SMCHD1: variants seen among roughly 807,000 people sequenced by gnomAD.
SMCHD1 encodes structural maintenance of chromosomes flexible hinge domain-containing protein 1.
Under a neutral mutation model 254.7 loss-of-function variants are expected in SMCHD1, and 78 were observed. The observed-to-expected ratio is 0.31, with a 90% CI of 0.26 to 0.37. The LOEUF (loss-of-function observed/expected upper bound fraction) is 0.37. Ranked by LOEUF, SMCHD1 falls within the 10% of genes least tolerant of loss-of-function variation. The pLI is 1.00. For missense variants in SMCHD1, 1,840 were observed against 2,408.1 expected, an observed-to-expected ratio of 0.76 and a Z score of 4.94; for synonymous variants, 766 against 794.9, an observed-to-expected ratio of 0.96 and a Z score of 0.61.
chr18:2,744,077 G>C, intron 29 of SMCHD1, 149 bp downstream of exon 29: 1 of 612,854 alleles, frequency 1.6e-6, no homozygotes, highest in Admixed American at 3.2e-5. Context: ...GCAAGGTAAT[G>C]TGAGTCTTAA....
chr18:2,671,688 C>T (rs865871189), intron 3 of SMCHD1, among the ~76,000 whole-genome samples: 8 of 151,364 alleles, frequency 5.3e-5, no homozygotes, highest in African/African-American at 1.5e-4. Flanking sequence ...CTCCGCCTCC[C>T]GGGTTCACGC....
At chr18:2,753,304 AATTC>A (rs2075611124) in intron 34 of SMCHD1, among the ~76,000 whole-genome samples, 1 of 152,322 alleles carries the variant, frequency 6.6e-6, no homozygotes, top group African/African-American at 2.4e-5. Context: ...TATAGCTATA[AATTC>A]ATTCATTTCC....
intron 10 of SMCHD1, among the ~76,000 whole-genome samples, chr18:2,698,942 T>C (rs1383067457): frequency 2.6e-5 from 4 of 152,234 alleles, no homozygotes; most frequent in Admixed American, 6.5e-5. Flanking sequence ...CTATTGTTCC[T>C]TTTTGAGAAT....
At chr18:2,766,350 A>G (rs539177645) in intron 37 of SMCHD1, among the ~76,000 whole-genome samples, 12 of 152,320 alleles carry the variant, frequency 7.9e-5, no homozygotes, top group South Asian at 2.1e-4. Flanking sequence ...CCTGCTGTAT[A>G]TACTCCTGAG....
At chr18:2,714,760 C>T (rs1457814131) in intron 17 of SMCHD1, among the ~76,000 whole-genome samples, 1 of 151,890 alleles carries the variant, frequency 6.6e-6, no homozygotes, top group Non-Finnish European at 1.5e-5. Context: ...TGAATTTCTT[C>T]AGGATTTGCT....
chr18:2,750,276 T>G (rs2075546465), intron 31 of SMCHD1, 74 bp from the exon 32 acceptor site: 1 of 1,485,608 alleles, frequency 6.7e-7, no homozygotes, highest in Admixed American at 2.3e-5. Flanking sequence ...AGTTGAACTT[T>G]GCATAAATTG....
intron 8 of SMCHD1, among the ~76,000 whole-genome samples, chr18:2,695,613 A>C (rs1193191254): frequency 1.3e-5 from 2 of 152,000 alleles, no homozygotes; most frequent in Non-Finnish European, 2.9e-5. Flanking sequence ...CCCGGCCTAA[A>C]ATTTTTTTTT....
intron 39 of SMCHD1, among the ~76,000 whole-genome samples, chr18:2,770,936 T>G (rs2075973119): frequency 6.6e-6 from 1 of 152,200 alleles, no homozygotes; most frequent in Non-Finnish European, 1.5e-5. Context: ...TTTGCTGCAA[T>G]TCTTAATAAT....
At chr18:2,675,127 T>A (rs748733690) in intron 5 of SMCHD1, among the ~76,000 whole-genome samples, 1 of 152,186 alleles carries the variant, frequency 6.6e-6, no homozygotes, top group Non-Finnish European at 1.5e-5. Context: ...TAATATCCCA[T>A]GAGGTTTTAT....
intron 1 of SMCHD1, among the ~76,000 whole-genome samples, chr18:2,664,427 T>C (rs1399322589): frequency 6.6e-6 from 1 of 152,220 alleles, no homozygotes; most frequent in Non-Finnish European, 1.5e-5. Context: ...CACCAGTCTC[T>C]TTAGTTTTCC....
At chr18:2,720,481 T>C (rs1210337247) in intron 19 of SMCHD1, among the ~76,000 whole-genome samples, 1 of 152,186 alleles carries the variant, frequency 6.6e-6, no homozygotes, top group Non-Finnish European at 1.5e-5. Context: ...AGATATTCTG[T>C]TATATAATTA....
intron 3 of SMCHD1, 148 bp downstream of exon 3, chr18:2,667,179 G>T: frequency 1.5e-6 from 1 of 650,948 alleles, no homozygotes. Flanking sequence ...ATTCATCACG[G>T]TATTATTATG....
chr18:2,718,383 A>T lies in SMCHD1; in HGVS notation c.2407A>T (p.Thr803Ser). 6.2e-7 allele frequency: 1 copy of T among 1,612,776 alleles called. No individual in the cohort carries two copies. Among genetic ancestry groups the T allele is most frequent in the East Asian group, 2.2e-5 (1 of 44,780 alleles). Residue 803 changes from threonine (T) to serine (S), a missense_variant, in exon 19 of 48, where the codon ACT becomes TCT. Around this residue, in one of 9 missense-constraint regions of SMCHD1, gnomAD observed 59 missense variants for 99.2 expected, o/e 0.59. Transcript: ENST00000320876. This position sits in a 1 kb window ranked among gnomAD's most constrained non-coding sequence, Gnocchi z 4.6. ...TGTGTTGAATGAAAGTAATGCAGACACTTATGCAGGAAGACCACTACCATC... is the reference window on the plus strand; with the variant it reads ...TGTGTTGAATGAAAGTAATGCAGACTCTTATGCAGGAAGACCACTACCATC... ...QVVLNESNAD[T>S]YAGRPLPSKA...
chr18:2,761,675 G>A (rs944019191), intron 35 of SMCHD1, among the ~76,000 whole-genome samples: 2 of 151,998 alleles, frequency 1.3e-5, no homozygotes, highest in Admixed American at 1.3e-4. Flanking sequence ...AAATCATCTG[G>A]GCGTGGTGGG....
At chr18:2,717,154 G>A (rs1309825294) in intron 17 of SMCHD1, among the ~76,000 whole-genome samples, 1 of 152,118 alleles carries the variant, frequency 6.6e-6, no homozygotes, top group African/African-American at 2.4e-5. Context: ...GTACCACCCA[G>A]GTCTGGGAGT....
At chr18:2,784,949 A>T (rs2076215219) in intron 45 of SMCHD1, 2 of 132,164 alleles carry the variant, frequency 1.5e-5, no homozygotes, top group Admixed American at 1.2e-4. Context: ...CCATCTCTTA[A>T]AAAAAAAAAA....
intron 39 of SMCHD1, among the ~76,000 whole-genome samples, chr18:2,770,891 G>A (rs921351258): frequency 2.2e-4 from 34 of 152,116 alleles, no homozygotes; most frequent in African/African-American, 6.5e-4. Context: ...CAAAGTGCTA[G>A]GATTACAGGT....
chr18:2,779,780 A>G (rs546256845), intron 44 of SMCHD1, among the ~76,000 whole-genome samples: 3 of 152,246 alleles, frequency 2.0e-5, no homozygotes, highest in Middle Eastern at 3.4e-3. Context: ...GATCATGCCT[A>G]TGAATAGCCA....
rs1337893920 is a variant in SMCHD1 at position 2,804,040 on chromosome 18, G to A, written c.*1488G>A. The A allele has an allele frequency of 2.0e-5, 3 of 151,990 alleles. No individual in the cohort carries two copies. Among genetic ancestry groups the A allele is most frequent in the Admixed American group, 2.0e-4 (3 of 15,232 alleles). The allele number at this position is 151,990 out of a possible 1,614,324, so 9.4% of individuals were successfully genotyped here. A position where few individuals can be genotyped will look rare whatever the true frequency, so the allele number is the denominator to read the frequency against. On this transcript the variant is annotated 3_prime_UTR_variant, in exon 48 of 48. Transcript: ENST00000320876. The stretch of plus-strand genomic sequence containing the variant: ...TTCTTGTTTCTGACTTTTAGATTAG[G>A]GATACTCACCCCGTACCAATATTTG...
Sources: allele counts gnomAD v4.1 joint callset (sites outside exome capture counted in the v4.1 genomes callset), GRCh38; gene constraint gnomAD v4.1.1; regional missense constraint gnomAD v4.1.1; non-coding constraint Gnocchi (gnomAD v3.1); transcripts MANE v1.5; gene names NCBI Gene and HGNC (gene_info 2026-07-23, HGNC 2026-07-21).